RAPGEF2: variants seen among roughly 807,000 people sequenced by gnomAD.
RAPGEF2 encodes PDZ domain containing guanine nucleotide exchange factor (GEF) 1.
A neutral mutation model predicts 186.7 loss-of-function variants in RAPGEF2; 54 were observed. The ratio of observed to expected loss-of-function variants is 0.29; its 90% CI spans 0.23 to 0.36. RAPGEF2 has a LOEUF of 0.36. Ranked by LOEUF, RAPGEF2 falls within the 10% of genes least tolerant of loss-of-function variation. The pLI is 1.00. For missense variants in RAPGEF2, 1,532 were observed against 2,045.0 expected (o/e 0.75, Z 4.84); for synonymous variants, 712 against 705.9 (o/e 1.01, Z -0.14).
At chr4:159,198,314 CTTTCTTTCTTTCTT>C (rs1748996947) in intron 3 of RAPGEF2, among the ~76,000 whole-genome samples, 1 of 68,928 alleles carries the variant, frequency 1.5e-5, no homozygotes, top group Non-Finnish European at 3.2e-5. Context: ...TTCTTTCTTT[CTTTCTTTCTTTCTT>C]TCTTTCTTTT....
chr4:159,279,868 G>A (rs1759458289), intron 7 of RAPGEF2, among the ~76,000 whole-genome samples: 1 of 151,922 alleles, frequency 6.6e-6, no homozygotes, highest in South Asian at 2.1e-4. Context: ...TTTTTTGGTA[G>A]AGATGGGGTT....
intron 1 of RAPGEF2, among the ~76,000 whole-genome samples, chr4:159,111,918 G>A (rs1449109115): frequency 6.6e-6 from 1 of 152,170 alleles, no homozygotes; most frequent in Non-Finnish European, 1.5e-5. Context: ...ATTGACATCA[G>A]TGCAATCAAG....
chr4:159,163,020 G>T lies in RAPGEF2; in HGVS notation c.70-23622G>T, dbSNP rs148740336. On this transcript the variant is annotated intron_variant, in intron 1 of 29. Transcript: ENST00000691494. The stretch of plus-strand genomic sequence containing the variant: ...CACTCCGAAACACCTGTTCCAAAAA[G>T]GAGTTAGTTATTTCTGATGATGACT... Among the ~76,000 whole-genome samples, 740 of 152,202 alleles carry T rather than the reference G, an allele frequency of 4.9e-3. 4 individuals are homozygous for T. The highest frequency in any genetic ancestry group is 0.017 in the African/African-American group (704 of 41,524).
chr4:159,162,556 C>A (rs1744828540), intron 1 of RAPGEF2, among the ~76,000 whole-genome samples: 1 of 152,038 alleles, frequency 6.6e-6, no homozygotes, highest in East Asian at 1.9e-4. Flanking sequence ...ATTGTAGAAC[C>A]TACTTAAATC....
intron 7 of RAPGEF2, among the ~76,000 whole-genome samples, chr4:159,259,597 C>T (rs1756568168): frequency 6.6e-6 from 1 of 151,936 alleles, no homozygotes; most frequent in African/African-American, 2.4e-5. Flanking sequence ...AAAGTTAGGC[C>T]CACTAATATT....
At chr4:159,278,631 T>TA (rs1453164207) in intron 7 of RAPGEF2, among the ~76,000 whole-genome samples, 1 of 152,152 alleles carries the variant, frequency 6.6e-6, no homozygotes, top group Non-Finnish European at 1.5e-5. Context: ...TGAAGAAAGT[T>TA]ACGTAAAGAG....
At chr4:159,226,211 GT>G (rs1246655236) in intron 4 of RAPGEF2, among the ~76,000 whole-genome samples, 2 of 152,122 alleles carry the variant, frequency 1.3e-5, no homozygotes, top group Non-Finnish European at 2.9e-5. Context: ...ATATTCAGTT[GT>G]TCTAGAAGAG....
chr4:159,300,984 G>A (rs1762594962), intron 7 of RAPGEF2, among the ~76,000 whole-genome samples: 1 of 152,176 alleles, frequency 6.6e-6, no homozygotes, highest in Admixed American at 6.5e-5. Context: ...TGTCATGGCA[G>A]AGTCAAATCA....
intron 4 of RAPGEF2, among the ~76,000 whole-genome samples, chr4:159,219,182 T>TA (rs1751269348): frequency 6.6e-6 from 1 of 152,170 alleles, no homozygotes; most frequent in Non-Finnish European, 1.5e-5. Flanking sequence ...GCAACAGGTA[T>TA]AAAAAACTGA....
chr4:159,356,263 AC>A (rs1731993563), intron 29 of RAPGEF2, 105 bp downstream of exon 29: 1 of 1,157,176 alleles, frequency 8.6e-7, no homozygotes, highest in Admixed American at 2.5e-5. Context: ...GCTATGTCTA[AC>A]CATATACTAC....
At chr4:159,254,903 C>T (rs1027602315) in intron 7 of RAPGEF2, among the ~76,000 whole-genome samples, 1 of 152,184 alleles carries the variant, frequency 6.6e-6, no homozygotes, top group Non-Finnish European at 1.5e-5. Context: ...GCCCCACCAG[C>T]ATGAGACTTT....
chr4:159,194,749 T>G (rs1177496976), intron 3 of RAPGEF2, among the ~76,000 whole-genome samples: 1 of 152,238 alleles, frequency 6.6e-6, no homozygotes, highest in Non-Finnish European at 1.5e-5. Context: ...TTGTTGATTT[T>G]CTTTAAGCCT....
At chr4:159,199,929 ATT>A (rs1749228109) in intron 3 of RAPGEF2, among the ~76,000 whole-genome samples, 1 of 152,178 alleles carries the variant, frequency 6.6e-6, no homozygotes, top group South Asian at 2.1e-4. Context: ...TTCATAACCC[ATT>A]AGTAGTTTCC....
rs766240665 is a variant in RAPGEF2, at chr4:159,350,303, A to G, written c.3865+14A>G. On this transcript the variant is annotated intron_variant, in intron 26 of 29. Coordinates refer to ENST00000691494, the MANE Select transcript of RAPGEF2 (RefSeq NM_001394067.2). ...CTCCAAGGAAAGGTAGAATTAAATT[A>G]CTTTTTGTTTTCTTGTATTGAAACC... The G allele has an allele frequency of 6.5e-7, 1 of 1,531,198 alleles. No homozygotes were observed. The highest frequency in any genetic ancestry group is 8.8e-7 in the Non-Finnish European group (1 of 1,140,934). The allele number at this position is 1,531,198 out of a possible 1,614,324, so 94.9% of individuals were successfully genotyped here.
At chr4:159,148,655 C>T (rs1204099374) in intron 1 of RAPGEF2, among the ~76,000 whole-genome samples, 1 of 151,980 alleles carries the variant, frequency 6.6e-6, no homozygotes, top group Non-Finnish European at 1.5e-5. Context: ...TCTTGGAAAC[C>T]ACTCTTGGGA....
chr4:159,115,176 T>C (rs573053782), intron 1 of RAPGEF2, among the ~76,000 whole-genome samples: 1 of 152,302 alleles, frequency 6.6e-6, no homozygotes, highest in South Asian at 2.1e-4. Flanking sequence ...GAATGAATGC[T>C]GTTTTTAATA....
At chr4:159,214,795 C>A (rs1310118063) in intron 4 of RAPGEF2, among the ~76,000 whole-genome samples, 8 of 152,104 alleles carry the variant, frequency 5.3e-5, no homozygotes, top group Non-Finnish European at 8.8e-5. Context: ...GAGTTAGAGT[C>A]TTTTTCTACT....
At chr4:159,150,876 C>A (rs1743464661) in intron 1 of RAPGEF2, among the ~76,000 whole-genome samples, 2 of 152,230 alleles carry the variant, frequency 1.3e-5, no homozygotes, top group Admixed American at 1.3e-4. Context: ...GCTCGTGTTC[C>A]CCTGACTGCC....
At chr4:159,130,947 C>T (rs1267672491) in intron 1 of RAPGEF2, among the ~76,000 whole-genome samples, 1 of 152,142 alleles carries the variant, frequency 6.6e-6, no homozygotes, top group Admixed American at 6.5e-5. Context: ...CGGGCTCAAG[C>T]AATCTGCCCA....
Sources: allele counts gnomAD v4.1 joint callset (sites outside exome capture counted in the v4.1 genomes callset), GRCh38; gene constraint gnomAD v4.1.1; transcripts MANE v1.5; gene names NCBI Gene and HGNC (gene_info 2026-07-23, HGNC 2026-07-21).